The following HTT variants were observed in gnomAD, a reference collection of about 807,000 sequenced individuals.
The protein encoded by HTT is huntington disease protein.
Under a neutral mutation model 362.3 loss-of-function variants are expected in HTT, and 104 were observed. That is an observed-to-expected ratio of 0.29 (90% confidence interval 0.24 to 0.34). HTT has a LOEUF of 0.34. HTT is among the 10% of genes least tolerant of loss of function. The pLI, the probability that HTT is intolerant of heterozygous loss-of-function variation, is 1.00. For synonymous variants in HTT, 1,577 were observed against 1,548.7 expected, an observed-to-expected ratio of 1.02 and a Z score of -0.43; for missense variants, 3,301 against 3,928.6, an observed-to-expected ratio of 0.84 and a Z score of 4.27.
intron 22 of HTT, 142 bp from the exon 23 acceptor site, chr4:3,142,624 A>G (rs1370119010): frequency 4.0e-6 from 2 of 496,724 alleles, no homozygotes; most frequent in Non-Finnish European, 7.3e-6. Flanking sequence ...AATGATCAAA[A>G]TTTATTTTCA....
rs746168301 is a variant in HTT, at chr4:3,222,427, C to G, written c.7410C>G (p.Thr2470=). 6.2e-7 allele frequency: 1 copy of G among 1,614,158 alleles called. No homozygotes were observed. Among genetic ancestry groups the G allele is most frequent in the Non-Finnish European group, 8.5e-7 (1 of 1,180,036 alleles). The part of the protein sequence containing the change: ...SRTQFEETWA[T]LLGVLVTQPL... The stretch of plus-strand genomic sequence containing the variant: ...CTCAGTTTGAAGAAACTTGGGCCAC[C>G]CTCCTTGGTGTCCTGGTGACGCAGC... The change falls in exon 54 of 67, where the codon ACC becomes ACG. Residue 2470 remains threonine, a synonymous_variant. Transcript: ENST00000355072.
At chr4:3,105,667 G>A (rs1714387940) in intron 5 of HTT, among the ~76,000 whole-genome samples, 1 of 152,154 alleles carries the variant, frequency 6.6e-6, no homozygotes, top group African/African-American at 2.4e-5. Flanking sequence ...GAGACTTATG[G>A]GATGTGTGCC....
chr4:3,236,030 C>A, intron 63 of HTT, 119 bp from the exon 64 acceptor site: 1 of 811,598 alleles, frequency 1.2e-6, no homozygotes, highest in Non-Finnish European at 2.1e-6. Flanking sequence ...AAGCAAGGGG[C>A]TGATATCACC....
At chr4:3,229,428 A>G (rs1007718367) in intron 59 of HTT, among the ~76,000 whole-genome samples, 34 of 140,650 alleles carry the variant, frequency 2.4e-4, no homozygotes, top group African/African-American at 5.8e-4. Flanking sequence ...ACAGCACACA[A>G]CCACACACAT....
chr4:3,233,141 G>C (rs767251887), intron 60 of HTT, 22 bp from the exon 61 acceptor site: 44 of 1,563,556 alleles, frequency 2.8e-5, no homozygotes, highest in Non-Finnish European at 3.6e-5. Flanking sequence ...GCATGCAGCA[G>C]CTTTTGTCTG....
chr4:3,213,307 C>G (rs1229745394), intron 49 of HTT, among the ~76,000 whole-genome samples: 1 of 152,204 alleles, frequency 6.6e-6, no homozygotes, highest in African/African-American at 2.4e-5. Context: ...GTTTGTGATC[C>G]CTGTCCTTCA....
At chr4:3,085,668 G>C (rs1423180908) in intron 1 of HTT, among the ~76,000 whole-genome samples, 1 of 152,136 alleles carries the variant, frequency 6.6e-6, no homozygotes, top group Admixed American at 6.5e-5. Flanking sequence ...AAACTTCCAG[G>C]TTTGCTTATT....
At position 3,187,816 on chromosome 4, in the gene HTT, A is replaced by G. The variant is rs1021375048; in HGVS notation, c.5155A>G (p.Ser1719Gly). Residue 1719 changes from serine (S) to glycine (G), a missense_variant, in exon 39 of 67, where the codon AGT becomes GGT. By Grantham distance (56) the Ser-to-Gly change is moderately conservative. Coordinates refer to ENST00000355072, the MANE Select transcript of HTT (RefSeq NM_001388492.1). ...AATTAATAGGTTAAGAGATGGGGACAGTACTTCAACGCTAGAAGAACACAG... is the reference window on the plus strand; with the variant it reads ...AATTAATAGGTTAAGAGATGGGGACGGTACTTCAACGCTAGAAGAACACAG... The part of the protein sequence containing the change: ...TVINRLRDGD[S>G]TSTLEEHSEG... 4.3e-6 allele frequency: 7 copies of G among 1,613,448 alleles called. No homozygotes were observed. The Admixed American group carries it at 1.0e-4, about 23-fold the overall frequency.
chr4:3,087,824 G>C (rs368676957), intron 2 of HTT, among the ~76,000 whole-genome samples: 24 of 152,260 alleles, frequency 1.6e-4, no homozygotes, highest in African/African-American at 5.3e-4. Flanking sequence ...CTTGATTTTA[G>C]TACTGACAAA....
At chr4:3,119,379 T>C (rs572018606) in intron 8 of HTT, among the ~76,000 whole-genome samples, 1 of 152,288 alleles carries the variant, frequency 6.6e-6, no homozygotes, top group African/African-American at 2.4e-5. Context: ...AGTAATAGAT[T>C]AGAGTAAGAG....
rs764460507 is a variant in HTT, at chr4:3,074,831, G to A, written c.6G>A (p.Ala2=). Residue 2 remains alanine, a synonymous_variant, in exon 1 of 67, where the codon GCG becomes GCA. Coordinates refer to ENST00000355072, the MANE Select transcript of HTT (RefSeq NM_001388492.1). M[A]TLEKLMKAFE... is the part of the protein sequence containing the mutation. ...GTGCCGGGCGGGAGACCGCCATGGC[G>A]ACCCTGGAAAAGCTGATGAAGGCCT... 40 of 1,513,100 alleles carry A rather than the reference G, an allele frequency of 2.6e-5. No homozygotes were observed. The highest frequency in any genetic ancestry group is 3.4e-5 in the Non-Finnish European group (39 of 1,135,452). The allele number at this position is 1,513,100 out of a possible 1,614,324, so 93.7% of individuals were successfully genotyped here.
chr4:3,114,853 C>A (rs545299099), intron 6 of HTT, among the ~76,000 whole-genome samples: 1 of 152,300 alleles, frequency 6.6e-6, no homozygotes, highest in African/African-American at 2.4e-5. Flanking sequence ...AGTTAAATTG[C>A]AGATATTTCC....
rs540796360 is a variant in HTT, at chr4:3,231,963, A to G, written c.8266-1200A>G. Among the ~76,000 whole-genome samples the G allele has an allele frequency of 7.9e-5, 12 of 152,326 alleles. 1 individual carries two copies. In the South Asian group the frequency reaches 2.5e-3, roughly 32 times the overall value. On this transcript the variant is annotated intron_variant, in intron 60 of 66. Coordinates refer to ENST00000355072, the MANE Select transcript of HTT (RefSeq NM_001388492.1). Reference sequence around the variant, plus strand: ...TTTGTGCACTCATGCTTTCTGGAAGATGGCCATCCTCTGTGAAGGTTTTCA... The same window carrying G: ...TTTGTGCACTCATGCTTTCTGGAAGGTGGCCATCCTCTGTGAAGGTTTTCA...
chr4:3,189,167 G>A, intron 40 of HTT, 74 bp downstream of exon 40: 1 of 1,444,280 alleles, frequency 6.9e-7, no homozygotes, highest in Non-Finnish European at 9.5e-7. Context: ...GAGTGTAGGA[G>A]CTGTGCTGCC....
chr4:3,107,260 G>T, intron 5 of HTT, 25 bp from the exon 6 acceptor site: 1 of 1,606,378 alleles, frequency 6.2e-7, no homozygotes, highest in South Asian at 1.1e-5. Flanking sequence ...CTGGAAGAAT[G>T]ACTTGCGTTC....
rs768077298 is a variant in HTT, at chr4:3,235,403, G to A, written c.8571+5G>A. The A allele has an allele frequency of 5.1e-6, 8 of 1,582,192 alleles. No individual in the cohort carries two copies. The highest frequency in any genetic ancestry group is 6.1e-6 in the Non-Finnish European group (7 of 1,150,946). The stretch of plus-strand genomic sequence containing the variant: ...TTTTCAGCATCAATAATACAGGTGA[G>A]TGGGCCCTGGCTGTCTTCCTCTGCA... On this transcript the variant is annotated splice_donor_5th_base_variant and intron_variant, in intron 62 of 66. Transcript: ENST00000355072.
At chr4:3,171,533 A>G (rs142561539) in intron 29 of HTT, among the ~76,000 whole-genome samples, 159 of 149,864 alleles carry the variant, frequency 1.1e-3, no homozygotes, top group African/African-American at 3.5e-3. Flanking sequence ...ACTCCAGTGC[A>G]ATGGCGCCAT....
chr4:3,224,141 G>A lies in HTT; in HGVS notation c.7765+10G>A, dbSNP rs79218467. ...TCTCCGGCTACTACAGGTACCTGAG[G>A]GAAAGGGTGCGGGGGAGCGGTTGTA... On this transcript the variant is annotated intron_variant, in intron 56 of 66. Coordinates refer to ENST00000355072, the MANE Select transcript of HTT (RefSeq NM_001388492.1). 10,494 of 1,613,862 alleles carry A rather than the reference G, an allele frequency of 6.5e-3. 459 individuals are homozygous for A. The African/African-American group carries it at 0.11, about 16-fold the overall frequency.
rs1420632901 is a variant in HTT at position 3,130,328 on chromosome 4, A to G, written c.1891A>G (p.Lys631Glu). 1 of 1,591,206 alleles carries G rather than the reference A, an allele frequency of 6.3e-7. No homozygotes were observed. The highest frequency in any genetic ancestry group is 1.3e-5 in the African/African-American group (1 of 74,352). Residue 631 changes from lysine to glutamate, a missense_variant, in exon 14 of 67, where the codon AAA (lysine) becomes GAA (glutamate). This residue lies in a region of HTT where 2,316 missense variants were observed against 2,658.5 expected (regional missense o/e 0.87). Coordinates refer to ENST00000355072, the MANE Select transcript of HTT (RefSeq NM_001388492.1). ...SMALQQAHLL[K>E]NMSHCRQPSD... ...AGCCCTTCAACAGGCACATTTATTG[A>G]AAAACATGAGTCACTGCAGGCAGCC...
Sources: allele counts gnomAD v4.1 joint callset (sites outside exome capture counted in the v4.1 genomes callset), GRCh38; gene constraint gnomAD v4.1.1; regional missense constraint gnomAD v4.1.1; transcripts MANE v1.5; gene names NCBI Gene and HGNC (gene_info 2026-07-23, HGNC 2026-07-21).